The following TDRD3 variants were observed in gnomAD, a reference collection of about 807,000 sequenced individuals.
The protein encoded by TDRD3 is tudor domain containing 3.
A neutral mutation model predicts 86.7 loss-of-function variants in TDRD3; 45 were observed. That is an observed-to-expected ratio of 0.52 (90% confidence interval 0.41 to 0.67). The LOEUF (loss-of-function observed/expected upper bound fraction) is 0.67. Among genes scored for constraint, TDRD3 ranks in the 30% least tolerant of loss-of-function variants. TDRD3 has a pLI of 0.00. For missense variants in TDRD3, 814 were observed against 889.0 expected, an observed-to-expected ratio of 0.92 and a Z score of 1.07; for synonymous variants, 298 against 301.7, an observed-to-expected ratio of 0.99 and a Z score of 0.13.
intron 12 of TDRD3, among the ~76,000 whole-genome samples, chr13:60,550,917 A>G (rs1958035136): frequency 6.6e-6 from 1 of 152,180 alleles, no homozygotes; most frequent in South Asian, 2.1e-4. Flanking sequence ...ACATTAATTC[A>G]TTTAAGTATA....
chr13:60,538,009 T>C (rs1957734958), intron 12 of TDRD3: 1 of 152,016 alleles, frequency 6.6e-6, no homozygotes, highest in Non-Finnish European at 1.5e-5. Context: ...ATAGAAAGCA[T>C]GATATATGAA....
intron 12 of TDRD3, 85 bp downstream of exon 12, chr13:60,535,318 A>G (rs1014440372): frequency 4.3e-6 from 6 of 1,410,728 alleles, no homozygotes; most frequent in East Asian, 2.5e-5. Context: ...CATACAAAAT[A>G]TGCAAGTGGA....
At chr13:60,557,516 T>C (rs1180057454) in intron 12 of TDRD3, among the ~76,000 whole-genome samples, 1 of 152,132 alleles carries the variant, frequency 6.6e-6, no homozygotes, top group Non-Finnish European at 1.5e-5. Flanking sequence ...AATAACAAAC[T>C]ATGGGTTGTT....
intron 7 of TDRD3, among the ~76,000 whole-genome samples, chr13:60,491,883 T>C (rs1464603622): frequency 6.6e-6 from 1 of 151,932 alleles, no homozygotes; most frequent in Non-Finnish European, 1.5e-5. Flanking sequence ...TGTAAAATAG[T>C]GGTCTAGAAG....
intron 10 of TDRD3, among the ~76,000 whole-genome samples, chr13:60,518,618 G>T (rs986388020): frequency 3.9e-5 from 6 of 152,098 alleles, no homozygotes; most frequent in African/African-American, 1.4e-4. Context: ...CATGTAAAAA[G>T]GTAGTTAATA....
At chr13:60,435,446 A>G (rs190152081) in intron 1 of TDRD3, among the ~76,000 whole-genome samples, 1 of 152,138 alleles carries the variant, frequency 6.6e-6, no homozygotes, top group African/African-American at 2.4e-5. Context: ...AGAGTCCCCA[A>G]AGTCCATTAT....
chr13:60,470,201 A>C (rs2138094427), intron 5 of TDRD3, among the ~76,000 whole-genome samples: 1 of 152,320 alleles, frequency 6.6e-6, no homozygotes, highest in Non-Finnish European at 1.5e-5. Flanking sequence ...ATGTTGCAGC[A>C]TGTGTCAGAA....
rs113122410 is a variant in TDRD3, at chr13:60,498,146, G to A, written c.858+3571G>A. ...GAGATTGGGATGGTGGAGTGGATTAGTCTCTTTAGACCTACTCATTCCAGC... is the reference window on the plus strand; with the variant it reads ...GAGATTGGGATGGTGGAGTGGATTAATCTCTTTAGACCTACTCATTCCAGC... On this transcript the variant is annotated intron_variant, in intron 8 of 13. Coordinates refer to ENST00000377881, the MANE Select transcript of TDRD3 (RefSeq NM_001146070.2). Among the ~76,000 whole-genome samples the A allele has an allele frequency of 3.4e-3, 513 of 152,264 alleles. 4 individuals are homozygous for A. The highest frequency in any genetic ancestry group is 0.012 in the African/African-American group (489 of 41,546).
intron 12 of TDRD3, among the ~76,000 whole-genome samples, chr13:60,565,421 G>C (rs1958435519): frequency 6.6e-6 from 1 of 152,120 alleles, no homozygotes; most frequent in Non-Finnish European, 1.5e-5. Flanking sequence ...ATCAAGTTAT[G>C]AGTTACGTGA....
At chr13:60,507,068 G>A (rs1847369545) in intron 8 of TDRD3, among the ~76,000 whole-genome samples, 1 of 152,116 alleles carries the variant, frequency 6.6e-6, no homozygotes, top group African/African-American at 2.4e-5. Flanking sequence ...AGTGTCTGAT[G>A]AAACAGGCTT....
chr13:60,456,499 G>C, intron 3 of TDRD3, among the ~76,000 whole-genome samples: 1 of 152,156 alleles, frequency 6.6e-6, no homozygotes, highest in East Asian at 1.9e-4. Context: ...ATTTTTTAGA[G>C]TAATTTCTTT....
At chr13:60,505,552 G>A (rs960487734) in intron 8 of TDRD3, among the ~76,000 whole-genome samples, 1 of 152,204 alleles carries the variant, frequency 6.6e-6, no homozygotes, top group Non-Finnish European at 1.5e-5. Flanking sequence ...CGGCTCTGAA[G>A]CAAGCAGCGG....
intron 1 of TDRD3, among the ~76,000 whole-genome samples, chr13:60,428,212 T>A (rs1028936778): frequency 6.6e-6 from 1 of 150,598 alleles, no homozygotes; most frequent in Non-Finnish European, 1.5e-5. Flanking sequence ...GTCATTGGAT[T>A]TAGGACCTGC....
chr13:60,532,264 G>A (rs899220472), intron 11 of TDRD3, among the ~76,000 whole-genome samples: 1 of 152,168 alleles, frequency 6.6e-6, no homozygotes, highest in African/African-American at 2.4e-5. Flanking sequence ...AGTGATTGGA[G>A]CATTCTTAGG....
intron 1 of TDRD3, among the ~76,000 whole-genome samples, chr13:60,397,705 G>T (rs1265594063): frequency 4.0e-5 from 6 of 150,248 alleles, no homozygotes; most frequent in Admixed American, 6.6e-5. Flanking sequence ...GCGGGTGGCG[G>T]CCCAGACCCC....
chr13:60,563,118 C>T (rs1322826396), intron 12 of TDRD3, among the ~76,000 whole-genome samples: 1 of 151,718 alleles, frequency 6.6e-6, no homozygotes, highest in Non-Finnish European at 1.5e-5. Flanking sequence ...ATCCCAGTTG[C>T]TCAGGAGGCT....
chr13:60,458,493 A>G (rs1407638236), intron 3 of TDRD3, among the ~76,000 whole-genome samples: 1 of 152,202 alleles, frequency 6.6e-6, no homozygotes, highest in East Asian at 1.9e-4. Context: ...TAAGGGTGCC[A>G]TGGTTGCTCC....
chr13:60,437,247 C>A (rs1477931771), intron 1 of TDRD3, among the ~76,000 whole-genome samples: 1 of 151,096 alleles, frequency 6.6e-6, no homozygotes, highest in African/African-American at 2.4e-5. Context: ...CTGCCTCAGC[C>A]TCCCGAGTAG....
chr13:60,560,241 A>G (rs1958301662), intron 12 of TDRD3, among the ~76,000 whole-genome samples: 1 of 152,170 alleles, frequency 6.6e-6, no homozygotes, highest in African/African-American at 2.4e-5. Flanking sequence ...TTTCATCTAT[A>G]AAATGGTGAG....
Sources: allele counts gnomAD v4.1 joint callset (sites outside exome capture counted in the v4.1 genomes callset), GRCh38; gene constraint gnomAD v4.1.1; transcripts MANE v1.5; gene names NCBI Gene and HGNC (gene_info 2026-07-23, HGNC 2026-07-21).